Variants in TCF3 observed in about 807,000 individuals in gnomAD.
TCF3 encodes the protein transcription factor 3, also known as transcription factor E2-alpha.
Under a neutral mutation model 72.3 loss-of-function variants are expected in TCF3, and 54 were observed. The observed-to-expected ratio is 0.75, with a 90% confidence interval of 0.60 to 0.94. The LOEUF (loss-of-function observed/expected upper bound fraction) is 0.94. Ranked by LOEUF, TCF3 falls within the 40% of genes least tolerant of loss-of-function variation. TCF3 has a pLI of 0.00. For missense variants in TCF3, 1,078 were observed against 934.4 expected, an observed-to-expected ratio of 1.15 and a Z score of -2.00; for synonymous variants, 525 against 412.6, an observed-to-expected ratio of 1.27 and a Z score of -3.30.
chr19:1,646,891 T>G (rs2066193137), intron 2 of TCF3, among the ~76,000 whole-genome samples: 1 of 152,254 alleles, frequency 6.6e-6, no homozygotes, highest in Admixed American at 6.5e-5. Flanking sequence ...CCTGGCTGAC[T>G]CCTCGTTTCC....
Position 1,617,844 on chromosome 19 carries a change from C to A in TCF3, c.1450+1267G>T, listed in dbSNP as rs372940333. Reference sequence around the variant, plus strand: ...TGCTGAGCAGCATCCCTGGCCCCCACCCACTCCATGCCAGGAGCTCCCCTC... The same window carrying A: ...TGCTGAGCAGCATCCCTGGCCCCCAACCACTCCATGCCAGGAGCTCCCCTC... On this transcript the variant is annotated intron_variant, in intron 16 of 18. Transcript: ENST00000262965. 5.9e-5 allele frequency among the ~76,000 whole-genome samples: 9 copies of A among 152,318 alleles called. No individual in the cohort carries two copies. In the East Asian group the frequency reaches 1.5e-3, roughly 26 times the overall value.
chr19:1,623,964 C>T lies in TCF3; in HGVS notation c.536G>A (p.Gly179Asp). Reference sequence around the variant, plus strand: ...CGTGCGACTCACCGAGGATGGAAGACCCGGCGGGACCTTCCGGACCTTCTT... The same window carrying T: ...CGTGCGACTCACCGAGGATGGAAGATCCGGCGGGACCTTCCGGACCTTCTT... Reference protein sequence around the residue: ...QPKKVRKVPPGLPSSVYPPSS... With the variant: ...QPKKVRKVPPDLPSSVYPPSS... The change falls in exon 8 of 19, where the codon GGT (glycine) becomes GAT (aspartate). Residue 179 changes from glycine (G) to aspartate (D), a missense_variant. By Grantham distance (94) the Gly-to-Asp change is moderately conservative (BLOSUM62 -1). Coordinates refer to ENST00000262965, the MANE Select transcript of TCF3 (RefSeq NM_003200.5). The T allele has an allele frequency of 6.2e-7, 1 of 1,613,560 alleles. No homozygotes were observed. Among genetic ancestry groups the T allele is most frequent in the Non-Finnish European group, 8.5e-7 (1 of 1,179,964 alleles).
intron 16 of TCF3, among the ~76,000 whole-genome samples, chr19:1,618,499 TGCCCC>T (rs936053180): frequency 7.9e-6 from 1 of 125,946 alleles, no homozygotes; most frequent in Non-Finnish European, 1.7e-5. Context: ...TGACCTGCCC[TGCCCC>T]GCCCTCCCCC....
chr19:1,623,884 G>A (rs1397067102), intron 8 of TCF3, 67 bp downstream of exon 8: 26 of 1,538,176 alleles, frequency 1.7e-5, no homozygotes, highest in South Asian at 4.6e-5. Flanking sequence ...CCCAAGCTTC[G>A]CCAGGACACA....
Position 1,632,332 on chromosome 19 carries a change from C to A in TCF3, c.219G>T (p.Arg73=), listed in dbSNP as rs1741698819. The A allele has an allele frequency of 1.3e-6, 2 of 1,583,286 alleles. No individual in the cohort carries two copies. Among genetic ancestry groups the A allele is most frequent in the Admixed American group, 1.8e-5 (1 of 55,556 alleles). The stretch of plus-strand genomic sequence containing the variant: ...TCTCAGGCCTCACGGGGACTCCTAC[C>A]CGGCTGGGGTCAAAGGAGGAGCTGC... ...DQSSSSFDPS[R]TFSEGTHFTE... is the part of the protein sequence containing the mutation. Residue 73 remains arginine, a splice_region_variant and synonymous_variant, in exon 4 of 19, where the codon CGG becomes CGT. Coordinates refer to ENST00000262965, the MANE Select transcript of TCF3 (RefSeq NM_003200.5).
At chr19:1,622,645 C>T (rs1014938616) in intron 8 of TCF3, among the ~76,000 whole-genome samples, 1 of 152,182 alleles carries the variant, frequency 6.6e-6, no homozygotes, top group Non-Finnish European at 1.5e-5. Flanking sequence ...CTCCCGCCTC[C>T]CTGAACTTCT....
At chr19:1,631,206 G>A (rs117387037) in intron 5 of TCF3, among the ~76,000 whole-genome samples, 126 of 152,096 alleles carry the variant, frequency 8.3e-4, no homozygotes, top group Admixed American at 2.4e-3. Context: ...CTGAGGCTCA[G>A]AAGAGGATGG....
At chr19:1,627,466 AG>A (rs1568406529) in intron 5 of TCF3, 40 bp from the exon 6 acceptor site, 4 of 1,600,144 alleles carry the variant, frequency 2.5e-6, no homozygotes, top group Non-Finnish European at 3.4e-6. Flanking sequence ...GGCGACCCCA[AG>A]GAACATCCTG....
Position 1,611,539 on chromosome 19 carries a change from A to T in TCF3, c.*168T>A. The T allele has an allele frequency of 1.1e-6, 1 of 947,412 alleles. No individual in the cohort carries two copies. Among genetic ancestry groups the T allele is most frequent in the Non-Finnish European group, 1.5e-6 (1 of 665,092 alleles). 58.7% of individuals were successfully genotyped at this position (947,412 alleles called of 1,614,324 possible). A position where few individuals can be genotyped will look rare whatever the true frequency, so the allele number is the denominator to read the frequency against. On this transcript the variant is annotated 3_prime_UTR_variant, in exon 19 of 19. Coordinates refer to ENST00000262965, the MANE Select transcript of TCF3 (RefSeq NM_003200.5). Reference sequence around the variant, plus strand: ...CCAGGGAGCTCCTGGACCCAGTGTCACCTTGGCCGCCCCCATCACTCCGAA... The same window carrying T: ...CCAGGGAGCTCCTGGACCCAGTGTCTCCTTGGCCGCCCCCATCACTCCGAA...
chr19:1,642,129 T>TACACACACACAC lies in TCF3; in HGVS notation c.145+4214_145+4225dup, dbSNP rs10531649. The stretch of plus-strand genomic sequence containing the variant: ...TGCATGTCTCAAAACTGCACAGAAC[T>TACACACACACAC]ACACACACACACACACACACACACA... On this transcript the variant is annotated intron_variant, in intron 3 of 18. Transcript: ENST00000262965. Among the ~76,000 whole-genome samples, 12 of 147,358 alleles carry TACACACACACAC rather than the reference T, an allele frequency of 8.1e-5. No homozygotes were observed. In the East Asian group the frequency reaches 1.2e-3, roughly 15 times the overall value.
intron 2 of TCF3, 145 bp downstream of exon 2, chr19:1,650,032 C>T: frequency 1.3e-6 from 1 of 781,406 alleles, no homozygotes; most frequent in Non-Finnish European, 2.0e-6. Context: ...GAGAGCGGCC[C>T]ACTCCCCCAG....
intron 3 of TCF3, among the ~76,000 whole-genome samples, chr19:1,642,924 G>A (rs1325843045): frequency 6.6e-6 from 1 of 152,170 alleles, no homozygotes; most frequent in East Asian, 1.9e-4. Context: ...TTTTCACTCT[G>A]ACCGTGTGTC....
At chr19:1,636,712 A>G (rs1294446467) in intron 3 of TCF3, among the ~76,000 whole-genome samples, 1 of 152,034 alleles carries the variant, frequency 6.6e-6, no homozygotes, top group African/African-American at 2.4e-5. Context: ...CAGGGCCCGC[A>G]GGCTGTGTAG....
At chr19:1,647,332 G>A (rs1222888976) in intron 2 of TCF3, among the ~76,000 whole-genome samples, 2 of 152,262 alleles carry the variant, frequency 1.3e-5, no homozygotes, top group Non-Finnish European at 2.9e-5. Flanking sequence ...CGGGGCTTAA[G>A]TGATCAAAGT....
Position 1,622,196 on chromosome 19 carries a change from A to G in TCF3, c.680T>C (p.Leu227Pro), listed in dbSNP as rs901772285. Reference sequence around the variant, plus strand: ...GCCCGCCTGGCCCGGGGGACTCCAGAGCTCGGCTGAGGGGTGCAGGCTGCC... The same window carrying G: ...GCCCGCCTGGCCCGGGGGACTCCAGGGCTCGGCTGAGGGGTGCAGGCTGCC... Reference protein sequence around the residue: ...ADGSLHPSAELWSPPGQAGFG... With the variant: ...ADGSLHPSAEPWSPPGQAGFG... The change falls in exon 10 of 19, where the codon CTC (leucine) becomes CCC (proline). Residue 227 changes from leucine (L) to proline (P), a missense_variant. Physicochemically the swap from Leu to Pro is moderately conservative, Grantham distance 98. Transcript: ENST00000262965. 1.3e-6 allele frequency: 2 copies of G among 1,561,176 alleles called. No homozygotes were observed. The highest frequency in any genetic ancestry group is 2.4e-5 in the South Asian group (2 of 84,816).
At position 1,622,329 on chromosome 19, in the gene TCF3, G is replaced by T. The variant is rs566278483; in HGVS notation, c.636C>A (p.Ala212=). 147 of 1,535,418 alleles carry T rather than the reference G, an allele frequency of 9.6e-5. 1 individual carries two copies. In the South Asian group the frequency reaches 1.8e-3, roughly 19 times the overall value. ...GCCATGTACCTGCCACGTAGAAGGG[G>T]GCGGGATAGGTGCTGCTGGGGGTCT... ...SAKTPSSTYP[A]PFYVADGSLH... Residue 212 remains alanine (A), a synonymous_variant, in exon 9 of 19, where the codon GCC becomes GCA. Coordinates refer to ENST00000262965, the MANE Select transcript of TCF3 (RefSeq NM_003200.5).
At chr19:1,632,620 A>C (rs1209892273) in intron 3 of TCF3, among the ~76,000 whole-genome samples, 1 of 151,998 alleles carries the variant, frequency 6.6e-6, no homozygotes, top group African/African-American at 2.4e-5. Flanking sequence ...CCATAAACTT[A>C]AATTAACTCT....
intron 8 of TCF3, among the ~76,000 whole-genome samples, chr19:1,623,048 T>G (rs1031563479): frequency 4.0e-5 from 6 of 151,590 alleles, no homozygotes; most frequent in Non-Finnish European, 7.4e-5. Flanking sequence ...GGGGAGTGAG[T>G]GATACTGTTG....
intron 6 of TCF3, among the ~76,000 whole-genome samples, chr19:1,625,950 C>T (rs1233842358): frequency 1.3e-5 from 2 of 152,220 alleles, no homozygotes; most frequent in Non-Finnish European, 2.9e-5. Flanking sequence ...ACCAGTGTGG[C>T]CAACCCAAGG....
Sources: gnomAD v4.1 joint callset for allele counts (sites outside exome capture counted in the v4.1 genomes callset) on GRCh38, gnomAD v4.1.1 for gene constraint, MANE v1.5 for transcripts, NCBI Gene and HGNC (gene_info 2026-07-23, HGNC 2026-07-21) for gene names.